PCDHA2: variants seen among roughly 807,000 people sequenced by gnomAD.
The protein encoded by PCDHA2 is protocadherin alpha 2.
A neutral mutation model predicts 66.0 loss-of-function variants in PCDHA2; 58 were observed. The observed-to-expected ratio is 0.88, with a 90% CI of 0.71 to 1.09. The LOEUF (loss-of-function observed/expected upper bound fraction) is 1.09, where lower values mean the gene tolerates loss of function less well. Among genes scored for constraint, PCDHA2 ranks in the 50% least tolerant of loss-of-function variants. The pLI is 0.00. For missense variants in PCDHA2, 1,267 were observed against 1,242.3 expected (o/e 1.02, Z -0.30); for synonymous variants, 634 against 554.0 (o/e 1.14, Z -2.03).
rs1581622293 is a variant in PCDHA2, at chr5:140,796,745, T to G, written c.1781T>G (p.Val594Gly). 6.2e-7 allele frequency: 1 copy of G among 1,614,064 alleles called. No individual in the cohort carries two copies. The highest frequency in any genetic ancestry group is 8.5e-7 in the Non-Finnish European group (1 of 1,179,952). The change falls in exon 1 of 4, where the codon GTG (valine) becomes GGG (glycine). Residue 594 changes from valine (V) to glycine (G), a missense_variant. Val to Gly is a moderately radical substitution (Grantham distance 109, BLOSUM62 -3). Coordinates refer to ENST00000526136, the MANE Select transcript of PCDHA2 (RefSeq NM_018905.3). ...SVGAGHVVAK[V>G]RAVDADSGYN... ...GGTGCAGGGCACGTGGTGGCGAAGGTGCGCGCAGTGGACGCTGACTCAGGC... is the reference window on the plus strand; with the variant it reads ...GGTGCAGGGCACGTGGTGGCGAAGGGGCGCGCAGTGGACGCTGACTCAGGC...
At chr5:140,853,717 A>G in intron 1 of PCDHA2, 1 of 988,104 alleles carries the variant, frequency 1.0e-6, no homozygotes, top group Non-Finnish European at 1.2e-6. Context: ...CATTAGCAGC[A>G]CCTAAGTCCT....
At chr5:140,963,659 A>G (rs1474288889) in intron 1 of PCDHA2, among the ~76,000 whole-genome samples, 3 of 152,222 alleles carry the variant, frequency 2.0e-5, no homozygotes. Context: ...TTGATTTCCT[A>G]TATGGCATAG....
At chr5:140,972,344 C>T (rs1379310170) in intron 1 of PCDHA2, among the ~76,000 whole-genome samples, 26 of 151,148 alleles carry the variant, frequency 1.7e-4, no homozygotes, top group African/African-American at 6.3e-4. Context: ...AGATGGGGGT[C>T]TCACTATGTT....
chr5:140,819,771 T>A (rs1766619279), intron 1 of PCDHA2, among the ~76,000 whole-genome samples: 2 of 152,090 alleles, frequency 1.3e-5, no homozygotes, highest in Admixed American at 6.5e-5. Flanking sequence ...TCCTGAAATA[T>A]CTATATAAGT....
intron 3 of PCDHA2, among the ~76,000 whole-genome samples, chr5:140,999,225 G>C (rs543011633): frequency 1.3e-5 from 2 of 152,222 alleles, no homozygotes; most frequent in Non-Finnish European, 2.9e-5. Context: ...CTACATTTGA[G>C]AATAGGTGGT....
intron 1 of PCDHA2, chr5:140,803,009 C>T: frequency 6.2e-7 from 1 of 1,614,016 alleles, no homozygotes; most frequent in Non-Finnish European, 8.5e-7. Flanking sequence ...CAGGCTACAA[C>T]GCGTGGCTTT....
chr5:140,902,976 G>T (rs2069915302), intron 1 of PCDHA2, among the ~76,000 whole-genome samples: 1 of 152,140 alleles, frequency 6.6e-6, no homozygotes, highest in African/African-American at 2.4e-5. Flanking sequence ...GGGCATTTAG[G>T]TTGGTTCCAT....
chr5:140,950,646 G>T (rs1221939583), intron 1 of PCDHA2, among the ~76,000 whole-genome samples: 2 of 151,884 alleles, frequency 1.3e-5, no homozygotes, highest in African/African-American at 4.8e-5. Context: ...TCCTGTTTAT[G>T]GTTGGCTGAG....
At chr5:140,858,465 T>G in intron 1 of PCDHA2, 1 of 1,522,706 alleles carries the variant, frequency 6.6e-7, no homozygotes, top group African/African-American at 1.4e-5. Flanking sequence ...ATTTTCCTTT[T>G]GTGCTTTATG....
intron 1 of PCDHA2, among the ~76,000 whole-genome samples, chr5:140,973,299 T>C (rs1191449890): frequency 1.3e-5 from 2 of 152,198 alleles, no homozygotes; most frequent in African/African-American, 4.8e-5. Flanking sequence ...TTCTATCTGA[T>C]GACTCTATCC....
intron 1 of PCDHA2, among the ~76,000 whole-genome samples, chr5:140,949,544 T>C (rs981428881): frequency 5.3e-5 from 8 of 151,908 alleles, no homozygotes; most frequent in Non-Finnish European, 1.2e-4. Flanking sequence ...TATCGATTTG[T>C]TGCTGGTCAT....
chr5:140,883,642 C>G (rs200197885), intron 1 of PCDHA2: 55 of 1,613,904 alleles, frequency 3.4e-5, no homozygotes, highest in East Asian at 2.0e-4. Flanking sequence ...TCGCGCAGCC[C>G]GAGTACACGG....
chr5:140,954,777 T>C (rs1563274185), intron 1 of PCDHA2, among the ~76,000 whole-genome samples: 1 of 152,214 alleles, frequency 6.6e-6, no homozygotes, highest in African/African-American at 2.4e-5. Flanking sequence ...TTAATTTAAT[T>C]AGATCTCATT....
At chr5:140,948,856 ATATTACTTCGGGTTTACTTT>A (rs1364138889) in intron 1 of PCDHA2, among the ~76,000 whole-genome samples, 11 of 151,588 alleles carry the variant, frequency 7.3e-5, no homozygotes, top group African/African-American at 2.7e-4. Context: ...TTGCCTTCTT[ATATTACTTCGGGTTTACTTT>A]GCTCTCTTTT....
At chr5:140,905,627 G>A (rs1233983487) in intron 1 of PCDHA2, among the ~76,000 whole-genome samples, 1 of 152,150 alleles carries the variant, frequency 6.6e-6, no homozygotes, top group African/African-American at 2.4e-5. Context: ...GCTTTTGACA[G>A]TATGGTCAGT....
chr5:140,994,233 T>A (rs2097606681), intron 3 of PCDHA2, among the ~76,000 whole-genome samples: 1 of 152,138 alleles, frequency 6.6e-6, no homozygotes, highest in Admixed American at 6.5e-5. Context: ...TATGTTATAA[T>A]CAATTCAAAC....
intron 1 of PCDHA2, chr5:140,835,296 A>G (rs2150233406): frequency 1.2e-6 from 2 of 1,612,776 alleles, no homozygotes; most frequent in Non-Finnish European, 8.5e-7. Flanking sequence ...AATCACAGTG[A>G]TAGGACATAT....
chr5:140,931,304 G>C (rs1218460625), intron 1 of PCDHA2, among the ~76,000 whole-genome samples: 1 of 152,056 alleles, frequency 6.6e-6, no homozygotes, highest in African/African-American at 2.4e-5. Context: ...CAAAAAGAGA[G>C]GAGAATACCA....
At chr5:140,993,521 G>A (rs1554253818) in intron 3 of PCDHA2, among the ~76,000 whole-genome samples, 1 of 151,130 alleles carries the variant, frequency 6.6e-6, no homozygotes, top group African/African-American at 2.4e-5. Context: ...GGGAGAGAGA[G>A]ACAGAGAGAG....
Sources: allele counts gnomAD v4.1 joint callset (sites outside exome capture counted in the v4.1 genomes callset), GRCh38; gene constraint gnomAD v4.1.1; transcripts MANE v1.5; gene names NCBI Gene and HGNC (gene_info 2026-07-23, HGNC 2026-07-21).